SLCO1B3: variants seen among roughly 807,000 people sequenced by gnomAD.
SLCO1B3 encodes solute carrier organic anion transporter family member 1B3.
Under a neutral mutation model 71.8 loss-of-function variants are expected in SLCO1B3, and 72 were observed. That is an observed-to-expected ratio of 1.00 (90% confidence interval 0.83 to 1.22). The LOEUF (loss-of-function observed/expected upper bound fraction) is 1.22. Among genes scored for constraint, SLCO1B3 ranks in the 50% most tolerant of loss-of-function variants. SLCO1B3 has a pLI of 0.00. For synonymous variants in SLCO1B3, 298 were observed against 278.4 expected (o/e 1.07, Z -0.70); for missense variants, 911 against 819.7 (o/e 1.11, Z -1.36).
At chr12:20,868,792 T>C (rs1591770974) in intron 8 of SLCO1B3, among the ~76,000 whole-genome samples, 1 of 151,862 alleles carries the variant, frequency 6.6e-6, no homozygotes, top group East Asian at 1.9e-4. Flanking sequence ...GGGTAAAGAG[T>C]GTGAGTCATC....
At chr12:20,868,087 T>C (rs939474631) in intron 8 of SLCO1B3, among the ~76,000 whole-genome samples, 5 of 152,206 alleles carry the variant, frequency 3.3e-5, no homozygotes, top group Admixed American at 3.3e-4. Flanking sequence ...CTGCTTATTT[T>C]ATAGAAAGAA....
rs762603384 is a variant in SLCO1B3, at chr12:20,916,227, G to A, written c.2089G>A (p.Asp697Asn). ...TAAAACATGTAATTTGGACATGCAA[G>A]ACAATGCTGCTGCCAACTAACATTG... ...DSKTCNLDMQDNAAAN is the reference protein window; with the variant it reads ...DSKTCNLDMQNNAAAN Residue 697 changes from aspartate (D) to asparagine (N), a missense_variant, in exon 16 of 16, where the codon GAC (aspartate) becomes AAC (asparagine). Coordinates refer to ENST00000381545, the MANE Select transcript of SLCO1B3 (RefSeq NM_019844.4). 3 of 1,612,842 alleles carry A rather than the reference G, an allele frequency of 1.9e-6. No individual in the cohort carries two copies. In the Admixed American group the frequency reaches 5.0e-5, roughly 27 times the overall value.
chr12:20,811,129 ACTATACCAGGCTCC>A (rs1212557684), intron 1 of SLCO1B3, among the ~76,000 whole-genome samples: 1 of 152,204 alleles, frequency 6.6e-6, no homozygotes, highest in East Asian at 1.9e-4. Flanking sequence ...GTATTGAATT[ACTATACCAGGCTCC>A]CTATTTCTTT....
At chr12:20,856,365 A>G (rs1049120761) in intron 4 of SLCO1B3, among the ~76,000 whole-genome samples, 2 of 152,168 alleles carry the variant, frequency 1.3e-5, no homozygotes, top group East Asian at 3.9e-4. Context: ...ACACCCACGG[A>G]TGCAAGTCAC....
rs184095967 is a variant in SLCO1B3 at position 20,861,691 on chromosome 12, A to G, written c.481+553A>G. Among the ~76,000 whole-genome samples the G allele has an allele frequency of 4.9e-4, 75 of 152,170 alleles. 1 individual carries two copies. The East Asian group carries it at 0.011, about 22-fold the overall frequency. On this transcript the variant is annotated intron_variant, in intron 6 of 15. Coordinates refer to ENST00000381545, the MANE Select transcript of SLCO1B3 (RefSeq NM_019844.4). ...AAGACTTTGTAACTATTATAAACAC[A>G]ATAATATAAGTATAATTTTAACCCC...
At chr12:20,865,226 T>C (rs1308847887) in intron 8 of SLCO1B3, among the ~76,000 whole-genome samples, 2 of 152,162 alleles carry the variant, frequency 1.3e-5, no homozygotes, top group Non-Finnish European at 2.9e-5. Context: ...GCATGTATAA[T>C]GGAGTTACTG....
At chr12:20,831,537 A>C (rs764187851) in intron 3 of SLCO1B3, among the ~76,000 whole-genome samples, 2 of 152,198 alleles carry the variant, frequency 1.3e-5, no homozygotes, top group Non-Finnish European at 2.9e-5. Context: ...ACAATTTTGT[A>C]AAGACTTGTG....
intron 13 of SLCO1B3, among the ~76,000 whole-genome samples, chr12:20,887,550 C>T (rs533641100): frequency 6.6e-6 from 1 of 151,920 alleles, no homozygotes; most frequent in South Asian, 2.1e-4. Context: ...CGTTTACCCA[C>T]TTTTTAATGA....
chr12:20,819,929 C>T (rs550717033), intron 3 of SLCO1B3, among the ~76,000 whole-genome samples: 19 of 152,100 alleles, frequency 1.2e-4, no homozygotes, highest in Non-Finnish European at 2.1e-4. Flanking sequence ...TGAGATGCGG[C>T]TGTAGTCCAG....
At chr12:20,875,549 A>C in intron 9 of SLCO1B3, 72 bp downstream of exon 9, 1 of 1,455,300 alleles carries the variant, frequency 6.9e-7, no homozygotes, top group Non-Finnish European at 9.3e-7. Context: ...GTAAAAAAAA[A>C]TAAAGCATAC....
intron 15 of SLCO1B3, among the ~76,000 whole-genome samples, chr12:20,903,289 C>T (rs115989877): frequency 0.01 from 1,538 of 152,134 alleles, 17 homozygotes; most frequent in African/African-American, 0.034. Context: ...ACAAAAAAAC[C>T]TGTACTTGAA....
At chr12:20,830,641 G>T (rs1235897830) in intron 3 of SLCO1B3, among the ~76,000 whole-genome samples, 1 of 152,076 alleles carries the variant, frequency 6.6e-6, no homozygotes, top group Non-Finnish European at 1.5e-5. Context: ...GTTTCTTTTG[G>T]CATAGTAAAT....
intron 3 of SLCO1B3, among the ~76,000 whole-genome samples, chr12:20,834,184 A>G (rs1467842192): frequency 6.9e-6 from 1 of 145,378 alleles, no homozygotes; most frequent in Admixed American, 7.0e-5. Context: ...TGTATATAGT[A>G]AACATATATA....
At chr12:20,857,980 T>C (rs962004188) in intron 4 of SLCO1B3, among the ~76,000 whole-genome samples, 6 of 152,292 alleles carry the variant, frequency 3.9e-5, no homozygotes, top group Admixed American at 2.6e-4. Flanking sequence ...CCATCTGTTT[T>C]ATTTTATTAC....
intron 1 of SLCO1B3, among the ~76,000 whole-genome samples, chr12:20,812,559 G>C: frequency 6.6e-6 from 1 of 152,172 alleles, no homozygotes; most frequent in Non-Finnish European, 1.5e-5. Flanking sequence ...CCATACATCT[G>C]CAAGTGCTTA....
chr12:20,860,157 G>C (rs1865229397), intron 5 of SLCO1B3, among the ~76,000 whole-genome samples: 1 of 151,904 alleles, frequency 6.6e-6, no homozygotes, highest in Non-Finnish European at 1.5e-5. Flanking sequence ...GGGTTTCACT[G>C]TGTTAGCCAG....
rs1864178984 is a variant in SLCO1B3, at chr12:20,815,662, C to G, written c.-65-12C>G. ...TAAAGTAAAATAAATTATACTTTTTCTTTTTTAACAGGTGATCATTTCAAA... is the reference window on the plus strand; with the variant it reads ...TAAAGTAAAATAAATTATACTTTTTGTTTTTTAACAGGTGATCATTTCAAA... On this transcript the variant is annotated splice_polypyrimidine_tract_variant and intron_variant, in intron 2 of 15. Transcript: ENST00000381545. 7 of 930,720 alleles carry G rather than the reference C, an allele frequency of 7.5e-6. No individual in the cohort carries two copies. Among genetic ancestry groups the G allele is most frequent in the Non-Finnish European group, 1.2e-5 (7 of 595,954 alleles). 57.7% of individuals were successfully genotyped at this position (930,720 alleles called of 1,614,324 possible).
intron 3 of SLCO1B3, among the ~76,000 whole-genome samples, chr12:20,839,234 A>T (rs1393427691): frequency 6.6e-6 from 1 of 152,006 alleles, no homozygotes. Context: ...TTTTTAATTT[A>T]CCTTCACTTA....
intron 3 of SLCO1B3, among the ~76,000 whole-genome samples, chr12:20,823,392 C>T (rs1402758157): frequency 1.3e-5 from 2 of 152,166 alleles, no homozygotes; most frequent in Non-Finnish European, 2.9e-5. Context: ...AAATTTTAGA[C>T]TTTATTTCAT....
Sources: gnomAD v4.1 joint callset for allele counts (sites outside exome capture counted in the v4.1 genomes callset) on GRCh38, gnomAD v4.1.1 for gene constraint, MANE v1.5 for transcripts, NCBI Gene and HGNC (gene_info 2026-07-23, HGNC 2026-07-21) for gene names.